The following TENM4 variants were observed in gnomAD, a reference collection of about 807,000 sequenced individuals.
TENM4 encodes the protein teneurin-4.
In TENM4, 82 loss-of-function variants were observed where a neutral mutation model predicts 243.3. That is an observed-to-expected ratio of 0.34 (90% CI 0.28 to 0.40). The LOEUF is 0.40. TENM4 is among the 10% of genes least tolerant of loss of function. TENM4 has a pLI of 1.00. For synonymous variants in TENM4, 1,412 were observed against 1,456.3 expected, an observed-to-expected ratio of 0.97 and a Z score of 0.69; for missense variants, 3,138 against 3,673.3, an observed-to-expected ratio of 0.85 and a Z score of 3.77.
chr11:78,994,751 C>T (rs1858130378), intron 6 of TENM4, among the ~76,000 whole-genome samples: 1 of 152,108 alleles, frequency 6.6e-6, no homozygotes, highest in Non-Finnish European at 1.5e-5. Flanking sequence ...GAAGAGACAC[C>T]TCTCAGAAAG....
intron 1 of TENM4, among the ~76,000 whole-genome samples, chr11:79,380,167 C>T (rs760925873): frequency 6.6e-6 from 1 of 152,076 alleles, no homozygotes; most frequent in Admixed American, 6.5e-5. Flanking sequence ...GGCAACATCT[C>T]CAGAAATGCA....
chr11:78,997,050 G>C (rs1414525512), intron 6 of TENM4, among the ~76,000 whole-genome samples: 1 of 152,188 alleles, frequency 6.6e-6, no homozygotes, highest in East Asian at 1.9e-4. Context: ...TGTTGGGGCG[G>C]GGGTAGGGTG....
At chr11:79,220,631 G>T (rs1415878363) in intron 2 of TENM4, among the ~76,000 whole-genome samples, 3 of 152,216 alleles carry the variant, frequency 2.0e-5, no homozygotes, top group Non-Finnish European at 2.9e-5. Context: ...TTGAAGGAAT[G>T]AATCTTTAGA....
chr11:79,036,264 T>C (rs1267558537), intron 6 of TENM4, among the ~76,000 whole-genome samples: 1 of 152,208 alleles, frequency 6.6e-6, no homozygotes, highest in Admixed American at 6.5e-5. Context: ...GGCATCCTTC[T>C]CCTTTGCTTA....
chr11:78,932,833 A>C (rs1400452815), intron 6 of TENM4, among the ~76,000 whole-genome samples: 1 of 152,154 alleles, frequency 6.6e-6, no homozygotes, highest in African/African-American at 2.4e-5. Context: ...TCCTATGAGA[A>C]TCTAATGCCA....
intron 15 of TENM4, among the ~76,000 whole-genome samples, chr11:78,801,272 C>T (rs1272838547): frequency 1.3e-5 from 2 of 152,196 alleles, no homozygotes. Flanking sequence ...GTAGCCACCT[C>T]CCCCACCATC....
Position 79,216,897 on chromosome 11 carries a change from T to C in TENM4, c.-264-988A>G, listed in dbSNP as rs17137878. ...GTGGAATGGGTCGATCTTCCTGTAA[T>C]ATACCACATGGGAGGGTTGGAGTCA... is the stretch of plus-strand genomic sequence containing the variant. On this transcript the variant is annotated intron_variant, in intron 2 of 33. Coordinates refer to ENST00000278550, the MANE Select transcript of TENM4 (RefSeq NM_001098816.3). 8.5e-3 allele frequency among the ~76,000 whole-genome samples: 1,300 copies of C among 152,298 alleles called. 23 individuals carry two copies. The highest frequency in any genetic ancestry group is 0.03 in the African/African-American group (1,235 of 41,560).
At chr11:79,048,387 T>C (rs1464468073) in intron 6 of TENM4, among the ~76,000 whole-genome samples, 1 of 152,228 alleles carries the variant, frequency 6.6e-6, no homozygotes, top group East Asian at 1.9e-4. Flanking sequence ...TCCTGCCTTC[T>C]ACATAAGATT....
chr11:79,113,967 T>TG, intron 4 of TENM4, among the ~76,000 whole-genome samples: 1 of 152,092 alleles, frequency 6.6e-6, no homozygotes, highest in Non-Finnish European at 1.5e-5. Context: ...TCATGAAGGG[T>TG]GGGGGTTGTG....
chr11:79,183,308 G>A (rs1373216973), intron 3 of TENM4, among the ~76,000 whole-genome samples: 16 of 152,172 alleles, frequency 1.1e-4, no homozygotes, highest in Admixed American at 1.0e-3. Context: ...AATCCGAAAA[G>A]TCTACATCCT....
intron 1 of TENM4, among the ~76,000 whole-genome samples, chr11:79,309,518 C>T (rs1255238973): frequency 6.6e-6 from 1 of 152,214 alleles, no homozygotes; most frequent in Non-Finnish European, 1.5e-5. Context: ...AACCCTGGAT[C>T]GTGCTCATAG....
chr11:79,313,913 A>G (rs1367873549), intron 1 of TENM4, among the ~76,000 whole-genome samples: 1 of 152,064 alleles, frequency 6.6e-6, no homozygotes, highest in African/African-American at 2.4e-5. Flanking sequence ...TGGAGACCCC[A>G]TTTATTTTCT....
intron 3 of TENM4, among the ~76,000 whole-genome samples, chr11:79,178,743 C>A (rs141530775): frequency 6.6e-6 from 1 of 152,262 alleles, no homozygotes; most frequent in Non-Finnish European, 1.5e-5. Flanking sequence ...TCTGTCTCCC[C>A]CACACCCACC....
intron 4 of TENM4, among the ~76,000 whole-genome samples, chr11:79,129,778 AC>A (rs1861962780): frequency 1.3e-5 from 2 of 152,006 alleles, no homozygotes; most frequent in South Asian, 4.2e-4. Context: ...CCTGCCCCCG[AC>A]CTGATGGTCC....
chr11:79,075,478 T>C (rs2137014728), intron 4 of TENM4, among the ~76,000 whole-genome samples: 1 of 152,318 alleles, frequency 6.6e-6, no homozygotes, highest in East Asian at 1.9e-4. Context: ...ACTAAATTGG[T>C]ATAAGGGATT....
chr11:79,199,048 T>A (rs1014460563), intron 3 of TENM4, among the ~76,000 whole-genome samples: 2 of 152,004 alleles, frequency 1.3e-5, no homozygotes, highest in Non-Finnish European at 2.9e-5. Context: ...ATGGCCAGTG[T>A]GGGTGGAGCA....
chr11:79,234,870 G>A (rs930619482), intron 2 of TENM4, among the ~76,000 whole-genome samples: 1 of 152,150 alleles, frequency 6.6e-6, no homozygotes, highest in African/African-American at 2.4e-5. Context: ...CTGGATGCGG[G>A]GCACCTGGCT....
At chr11:78,880,457 T>TAAAAAAAAA (rs71763484) in intron 9 of TENM4, among the ~76,000 whole-genome samples, 402 of 104,332 alleles carry the variant, frequency 3.9e-3, no homozygotes, top group African/African-American at 9.8e-3. Context: ...CAATAAATAC[T>TAAAAAAAAA]AAAAAAAAAA....
intron 12 of TENM4, among the ~76,000 whole-genome samples, chr11:78,826,225 T>C (rs1235372327): frequency 2.6e-5 from 4 of 151,878 alleles, no homozygotes; most frequent in African/African-American, 9.7e-5. Flanking sequence ...GTAGCTGGGA[T>C]TACAGGCATG....
Sources: allele counts gnomAD v4.1 joint callset (sites outside exome capture counted in the v4.1 genomes callset), GRCh38; gene constraint gnomAD v4.1.1; transcripts MANE v1.5; gene names NCBI Gene and HGNC (gene_info 2026-07-23, HGNC 2026-07-21).